ZNF395: variants seen among roughly 807,000 people sequenced by gnomAD.
ZNF395 encodes the protein zinc finger protein 395.
ZNF395 carries 20 observed loss-of-function variants against 57.7 expected under a neutral mutation model. The observed-to-expected ratio is 0.35, with a 90% CI of 0.24 to 0.50. ZNF395 has a LOEUF of 0.50. ZNF395 is among the 20% of genes least tolerant of loss of function. The pLI, the probability that ZNF395 is intolerant of heterozygous loss-of-function variation, is 0.97. For missense variants in ZNF395, 606 were observed against 671.2 expected (o/e 0.90, Z 1.07); for synonymous variants, 295 against 275.9 (o/e 1.07, Z -0.69).
Position 28,360,936 on chromosome 8 carries a change from C to T in ZNF395, c.189G>A (p.Lys63=). The T allele has an allele frequency of 6.2e-7, 1 of 1,613,982 alleles. No individual in the cohort carries two copies. The highest frequency in any genetic ancestry group is 8.5e-7 in the Non-Finnish European group (1 of 1,179,986). Residue 63 remains lysine, a synonymous_variant, in exon 2 of 10, where the codon AAG becomes AAA. Transcript: ENST00000344423. ...PCQEQPKEVL[K]APSTSGLQQV... Reference sequence around the variant, plus strand: ...GCTGAAGGCCCGAGGTGCTGGGAGCCTTAAGGACTTCCTTGGGCTGCTCCT... The same window carrying T: ...GCTGAAGGCCCGAGGTGCTGGGAGCTTTAAGGACTTCCTTGGGCTGCTCCT...
chr8:28,379,790 G>A (rs1802087301), intron 1 of ZNF395, among the ~76,000 whole-genome samples: 1 of 147,296 alleles, frequency 6.8e-6, no homozygotes, highest in Non-Finnish European at 1.5e-5. Flanking sequence ...AATTGCAGAT[G>A]TCCCCACTGT....
chr8:28,376,621 A>T (rs940832566), intron 1 of ZNF395, among the ~76,000 whole-genome samples: 2 of 152,046 alleles, frequency 1.3e-5, no homozygotes, highest in Non-Finnish European at 2.9e-5. Flanking sequence ...ACTCTGTCTC[A>T]AAACAAAAAA....
intron 1 of ZNF395, among the ~76,000 whole-genome samples, chr8:28,364,162 CAG>C (rs1031215802): frequency 2.0e-5 from 3 of 152,206 alleles, no homozygotes; most frequent in African/African-American, 7.2e-5. Context: ...GTGACAACCT[CAG>C]AGAGGTCAGG....
intron 1 of ZNF395, among the ~76,000 whole-genome samples, chr8:28,371,730 G>A (rs1050645143): frequency 5.9e-5 from 9 of 152,168 alleles, no homozygotes; most frequent in South Asian, 4.1e-4. Context: ...CAAAGAGAAT[G>A]CACAAACAGT....
At position 28,351,568 on chromosome 8, in the gene ZNF395, G is replaced by A; in HGVS notation, c.1160C>T (p.Ser387Phe). 2 of 1,613,860 alleles carry A rather than the reference G, an allele frequency of 1.2e-6. No homozygotes were observed. The highest frequency in any genetic ancestry group is 8.5e-7 in the Non-Finnish European group (1 of 1,180,008). ...SGPEHPGPES[S>F]LPSGALSKSA... ...CTTGCTGAGAGCCCCTGAGGGCAGG[G>A]AGGACTCCGGGCCAGGATGTTCTGG... The change falls in exon 7 of 10, where the codon TCC becomes TTC. Residue 387 changes from serine to phenylalanine, a missense_variant. Ser to Phe is a radical substitution (Grantham distance 155). Transcript: ENST00000344423.
chr8:28,372,797 G>A (rs1393410538), intron 1 of ZNF395, among the ~76,000 whole-genome samples: 1 of 152,098 alleles, frequency 6.6e-6, no homozygotes, highest in East Asian at 1.9e-4. Flanking sequence ...GGGCCGGCGG[G>A]GATAAAAAAA....
At chr8:28,370,993 T>TAA (rs1801969471) in intron 1 of ZNF395, among the ~76,000 whole-genome samples, 1 of 152,236 alleles carries the variant, frequency 6.6e-6, no homozygotes, top group Non-Finnish European at 1.5e-5. Flanking sequence ...CCAGTCAACT[T>TAA]GCTGAGCATT....
intron 1 of ZNF395, chr8:28,375,399 AAGAG>A (rs1235872913): frequency 1.1e-4 from 17 of 150,348 alleles, no homozygotes; most frequent in South Asian, 4.2e-4. Flanking sequence ...AAAAAAAAAA[AAGAG>A]AGAGAGAGAC....
Position 28,351,706 on chromosome 8 carries a change from G to C in ZNF395, c.1022C>G (p.Ala341Gly), listed in dbSNP as rs1349565829. 1.2e-6 allele frequency: 2 copies of C among 1,610,398 alleles called. No individual in the cohort carries two copies. The highest frequency in any genetic ancestry group is 8.5e-7 in the Non-Finnish European group (1 of 1,179,810). ...ESAAAAAAAA[A>G]GTPVPGTPTS... Reference sequence around the variant, plus strand: ...GGGAGTCCCAGGGACTGGGGTGCCTGCGGCAGCAGCAGCAGCAGCAGCAGC... The same window carrying C: ...GGGAGTCCCAGGGACTGGGGTGCCTCCGGCAGCAGCAGCAGCAGCAGCAGC... Residue 341 changes from alanine to glycine, a missense_variant, in exon 7 of 10, where the codon GCA becomes GGA. Physicochemically the swap from Ala to Gly is moderately conservative, Grantham distance 60 (BLOSUM62 0). Transcript: ENST00000344423.
chr8:28,368,060 AG>A (rs1801933319), intron 1 of ZNF395, among the ~76,000 whole-genome samples: 1 of 152,172 alleles, frequency 6.6e-6, no homozygotes, highest in Non-Finnish European at 1.5e-5. Flanking sequence ...GTGGTGGGGC[AG>A]GGGCAGCGTG....
rs1801734636 is a variant in ZNF395, at chr8:28,352,898, G to T, written c.820-225C>A. Among the ~76,000 whole-genome samples, 1 of 152,236 alleles carries T rather than the reference G, an allele frequency of 6.6e-6. No homozygotes were observed. Among genetic ancestry groups the T allele is most frequent in the East Asian group, 1.9e-4 (1 of 5,196 alleles). On this transcript the variant is annotated intron_variant, in intron 5 of 9. Transcript: ENST00000344423. This position sits in a 1 kb window ranked among gnomAD's most constrained non-coding sequence, Gnocchi z 4.0. ...CAGCAGTGCTCCATGCTGTGGCTAA[G>T]ACCCTACTGGAGGCCTCTCCCACGC...
At chr8:28,351,843 C>A in intron 6 of ZNF395, 36 bp from the exon 7 acceptor site, 1 of 1,511,402 alleles carries the variant, frequency 6.6e-7, no homozygotes. Flanking sequence ...ATCAGGGGCA[C>A]CCTGCCCCCT....
chr8:28,357,612 G>A (rs1484888677), intron 3 of ZNF395, among the ~76,000 whole-genome samples: 2 of 152,196 alleles, frequency 1.3e-5, no homozygotes, highest in Non-Finnish European at 2.9e-5. Context: ...TATGACTTGG[G>A]TTTGAAGCAG....
intron 1 of ZNF395, among the ~76,000 whole-genome samples, chr8:28,384,236 A>C (rs1802143881): frequency 6.6e-6 from 1 of 152,172 alleles, no homozygotes; most frequent in African/African-American, 2.4e-5. Context: ...GGTGGCATGC[A>C]ATCACCAAAA....
chr8:28,350,577 A>G (rs575360352), intron 7 of ZNF395, among the ~76,000 whole-genome samples: 1 of 152,314 alleles, frequency 6.6e-6, no homozygotes, highest in Admixed American at 6.5e-5. Context: ...TAGTGTGCTC[A>G]TGGGTATCCA....
chr8:28,358,718 C>T (rs117075297), intron 3 of ZNF395, among the ~76,000 whole-genome samples: 4,205 of 152,290 alleles, frequency 0.028, 97 homozygotes, highest in Non-Finnish European at 0.039. Context: ...GCCACTGCGC[C>T]TGGCCTAAAT....
At chr8:28,349,279 G>C (rs1801648808) in intron 8 of ZNF395, 51 bp from the exon 9 acceptor site, 1 of 1,439,738 alleles carries the variant, frequency 6.9e-7, no homozygotes, top group South Asian at 1.4e-5. Flanking sequence ...GGAAAGGTGA[G>C]GGAGCTATCC....
At chr8:28,354,088 T>G (rs1379911719) in intron 4 of ZNF395, among the ~76,000 whole-genome samples, 2 of 152,102 alleles carry the variant, frequency 1.3e-5, no homozygotes, top group African/African-American at 4.8e-5. Flanking sequence ...AAGTAACATG[T>G]TTGGAGGAGG....
At chr8:28,371,114 C>G (rs1057144412) in intron 1 of ZNF395, among the ~76,000 whole-genome samples, 1 of 152,196 alleles carries the variant, frequency 6.6e-6, no homozygotes, top group African/African-American at 2.4e-5. Context: ...GAGTAATTTT[C>G]CCAAGGCCAC....
Sources: gnomAD v4.1 joint callset for allele counts (sites outside exome capture counted in the v4.1 genomes callset) on GRCh38, gnomAD v4.1.1 for gene constraint, Gnocchi (gnomAD v3.1) non-coding constraint, MANE v1.5 for transcripts, NCBI Gene and HGNC (gene_info 2026-07-23, HGNC 2026-07-21) for gene names.